ABCA10: variants seen among roughly 807,000 people sequenced by gnomAD.
ABCA10 encodes ATP binding cassette subfamily A member 10, also known as ATP-binding cassette sub-family A member 10.
A neutral mutation model predicts 187.5 loss-of-function variants in ABCA10; 169 were observed. That is an observed-to-expected ratio of 0.90 (90% CI 0.80 to 1.02). The LOEUF is 1.02. ABCA10 is among the 50% of genes least tolerant of loss of function. ABCA10 has a pLI of 0.00. For synonymous variants in ABCA10, 574 were observed against 601.8 expected, an observed-to-expected ratio of 0.95 and a Z score of 0.68; for missense variants, 1,727 against 1,812.4, an observed-to-expected ratio of 0.95 and a Z score of 0.86.
rs936436285 is a variant in ABCA10 at position 69,151,039 on chromosome 17, TAA to T, written c.4398-978_4398-977del. 9.2e-5 allele frequency among the ~76,000 whole-genome samples: 14 copies of T among 152,162 alleles called. No homozygotes were observed. In the South Asian group the frequency reaches 2.9e-3, roughly 32 times the overall value. On this transcript the variant is annotated intron_variant, in intron 36 of 38. Coordinates refer to ENST00000690296, the MANE Select transcript of ABCA10 (RefSeq NM_001377321.1). ...CCTAGTTTAATGGTCTTCTATATGGTAAAAAAAATCCCCCACTTTGTTTGTTG... is the reference window on the plus strand; with the variant it reads ...CCTAGTTTAATGGTCTTCTATATGGTAAAAAATCCCCCACTTTGTTTGTTG...
chr17:69,196,771 G>C (rs554055940), intron 11 of ABCA10, among the ~76,000 whole-genome samples: 64 of 152,320 alleles, frequency 4.2e-4, no homozygotes, highest in African/African-American at 1.5e-3. Context: ...AGCACCTCGC[G>C]AGGCTGAGGC....
intron 16 of ABCA10, 132 bp from the exon 17 acceptor site, chr17:69,191,447 G>T: frequency 3.2e-6 from 3 of 929,562 alleles, no homozygotes; most frequent in South Asian, 4.7e-5. Context: ...ATTGGTTCCT[G>T]CAAATCAGAT....
Position 69,164,293 on chromosome 17 carries a change from TTC to T in ABCA10, c.3283-141_3283-140del. The T allele has an allele frequency of 4.7e-6, 3 of 640,444 alleles. No individual in the cohort carries two copies. The South Asian group carries it at 8.4e-5, about 18-fold the overall frequency. 39.7% of individuals were successfully genotyped at this position (640,444 alleles called of 1,614,324 possible). On this transcript the variant is annotated intron_variant, in intron 26 of 38. Transcript: ENST00000690296. ...ATGAATTGAGATGAGAAGAGTTGTT[TTC>T]TGATGCTAAAGTCTACTGATGACCT...
rs772298856 is a variant in ABCA10, at chr17:69,222,515, C to CA, written c.199+17dup. 2.0e-6 allele frequency: 3 copies of CA among 1,503,532 alleles called. No individual in the cohort carries two copies. Among genetic ancestry groups the CA allele is most frequent in the Non-Finnish European group, 2.6e-6 (3 of 1,132,742 alleles). The allele number at this position is 1,503,532 out of a possible 1,614,324, so 93.1% of individuals were successfully genotyped here. A position where few individuals can be genotyped will look rare whatever the true frequency, so the allele number is the denominator to read the frequency against. ...TGAAGTATCAAAAAAAAATTATAAT[C>CA]AGTTTTTTTATAGTTACCTGTGTAT... On this transcript the variant is annotated intron_variant, in intron 4 of 38. Coordinates refer to ENST00000690296, the MANE Select transcript of ABCA10 (RefSeq NM_001377321.1).
At chr17:69,210,863 T>TATATATATATATATGC (rs1568069925) in intron 9 of ABCA10, among the ~76,000 whole-genome samples, 6 of 146,484 alleles carry the variant, frequency 4.1e-5, no homozygotes, top group African/African-American at 1.6e-4. Flanking sequence ...TATATATATA[T>TATATATATATATATGC]ATGCCATATT....
intron 9 of ABCA10, among the ~76,000 whole-genome samples, chr17:69,212,433 G>A (rs2074668127): frequency 6.6e-6 from 1 of 152,190 alleles, no homozygotes; most frequent in Non-Finnish European, 1.5e-5. Flanking sequence ...TGAACAGAAT[G>A]TATATTCTGC....
chr17:69,215,031 A>G (rs2074693523), intron 8 of ABCA10, among the ~76,000 whole-genome samples, 180 bp from the exon 9 acceptor site: 1 of 152,198 alleles, frequency 6.6e-6, no homozygotes, highest in African/African-American at 2.4e-5. Flanking sequence ...TATTCTCACA[A>G]AATTTTAAAA....
rs1185795768 is a variant in ABCA10, at chr17:69,193,175, T to A, written c.1715A>T (p.Glu572Val). The change falls in exon 15 of 39, where the codon GAG (glutamate) becomes GTG (valine). Residue 572 changes from glutamate (E) to valine (V), a missense_variant. Coordinates refer to ENST00000690296, the MANE Select transcript of ABCA10 (RefSeq NM_001377321.1). ...SRHRVWSLLKEHKVDRLILFS... is the reference protein window; with the variant it reads ...SRHRVWSLLKVHKVDRLILFS... ...GAGGATAAGTCGGTCTACTTTATGC[T>A]CCTTCAGGAGGCTCCACACTCGGTG... 1 of 1,614,094 alleles carries A rather than the reference T, an allele frequency of 6.2e-7. No individual in the cohort carries two copies. The highest frequency in any genetic ancestry group is 8.5e-7 in the Non-Finnish European group (1 of 1,179,994).
At chr17:69,156,260 A>T (rs2074173844) in intron 28 of ABCA10, among the ~76,000 whole-genome samples, 2 of 152,116 alleles carry the variant, frequency 1.3e-5, no homozygotes, top group Admixed American at 1.3e-4. Flanking sequence ...GATCATCCTA[A>T]CTGGTTTTAT....
intron 19 of ABCA10, among the ~76,000 whole-genome samples, chr17:69,187,279 C>T (rs552412819): frequency 3.3e-5 from 5 of 152,142 alleles, no homozygotes; most frequent in Admixed American, 2.0e-4. Flanking sequence ...TGAATTTGCA[C>T]AAGGGATACA....
intron 23 of ABCA10, 31 bp downstream of exon 23, chr17:69,175,369 ATCAATC>A: frequency 6.4e-7 from 1 of 1,555,946 alleles, no homozygotes; most frequent in Non-Finnish European, 8.8e-7. Context: ...GTCAAATAAA[ATCAATC>A]TCAATCTAAT....
chr17:69,236,989 T>G (rs774191513), intron 1 of ABCA10, among the ~76,000 whole-genome samples: 7 of 152,208 alleles, frequency 4.6e-5, no homozygotes, highest in Non-Finnish European at 7.3e-5. Context: ...ATCCAGTATA[T>G]TTTGGATAGT....
intron 1 of ABCA10, among the ~76,000 whole-genome samples, chr17:69,238,936 A>G (rs1279603222): frequency 6.6e-6 from 1 of 152,214 alleles, no homozygotes; most frequent in Non-Finnish European, 1.5e-5. Context: ...TTTGGCCCCT[A>G]CAGATGCAAT....
intron 22 of ABCA10, among the ~76,000 whole-genome samples, chr17:69,176,762 G>C (rs2074338190): frequency 6.6e-6 from 1 of 152,062 alleles, no homozygotes; most frequent in Non-Finnish European, 1.5e-5. Context: ...ACTCAGAACA[G>C]TGTGCAATTT....
At chr17:69,190,545 C>A (rs538782852) in intron 17 of ABCA10, 68 bp from the exon 18 acceptor site, 1 of 1,344,040 alleles carries the variant, frequency 7.4e-7, no homozygotes, top group South Asian at 1.5e-5. Flanking sequence ...ATACTAATTT[C>A]TAAATATTAC....
chr17:69,201,334 T>C (rs2364991), intron 10 of ABCA10, among the ~76,000 whole-genome samples, 166 bp downstream of exon 10: 84,613 of 151,896 alleles, frequency 0.56, 25,148 homozygotes, highest in Non-Finnish European at 0.67. Context: ...CTGTTGATAG[T>C]ATCAACAGTA....
intron 25 of ABCA10, among the ~76,000 whole-genome samples, chr17:69,169,288 G>T (rs2074278146): frequency 6.6e-6 from 1 of 152,092 alleles, no homozygotes; most frequent in African/African-American, 2.4e-5. Context: ...CTTTCCTAAG[G>T]GATATTGTAT....
At chr17:69,182,504 T>A (rs1038756353) in intron 21 of ABCA10, among the ~76,000 whole-genome samples, 171 bp downstream of exon 21, 2 of 152,076 alleles carry the variant, frequency 1.3e-5, no homozygotes, top group Non-Finnish European at 2.9e-5. Context: ...TTTACTAACA[T>A]GAAAAGATGT....
At chr17:69,222,759 A>C in intron 3 of ABCA10, 62 bp from the exon 4 acceptor site, 1 of 1,410,104 alleles carries the variant, frequency 7.1e-7, no homozygotes, top group Non-Finnish European at 9.4e-7. Flanking sequence ...GGACACAAAA[A>C]CAAAATACAG....
Sources: gnomAD v4.1 joint callset for allele counts (sites outside exome capture counted in the v4.1 genomes callset) on GRCh38, gnomAD v4.1.1 for gene constraint, MANE v1.5 for transcripts, NCBI Gene and HGNC (gene_info 2026-07-23, HGNC 2026-07-21) for gene names.